Variants in FBLN5 observed in about 807,000 individuals in gnomAD.
FBLN5 encodes fibulin-5.
In FBLN5, 24 loss-of-function variants were observed where a neutral mutation model predicts 61.6. The ratio of observed to expected loss-of-function variants is 0.39; its 90% CI spans 0.28 to 0.55. FBLN5 has a LOEUF of 0.55. FBLN5 is among the 20% of genes least tolerant of loss of function. The pLI is 0.65. For missense variants in FBLN5, 470 were observed against 594.1 expected (o/e 0.79, Z 2.17); for synonymous variants, 213 against 219.8 (o/e 0.97, Z 0.27).
intron 4 of FBLN5, among the ~76,000 whole-genome samples, chr14:91,899,937 G>C (rs1890386867): frequency 1.3e-5 from 2 of 152,148 alleles, no homozygotes; most frequent in African/African-American, 4.8e-5. Flanking sequence ...AAAATGAACA[G>C]AACCTTCCAT....
Position 91,896,158 on chromosome 14 carries a change from T to C in FBLN5, c.380-1086A>G, listed in dbSNP as rs540765576. On this transcript the variant is annotated intron_variant, in intron 4 of 10. Transcript: ENST00000342058. ...GAAACTGAAACATCCTCCTCCCCTTTCTCCCCTGCACTGCACTTTAGGGGA... is the reference window on the plus strand; with the variant it reads ...GAAACTGAAACATCCTCCTCCCCTTCCTCCCCTGCACTGCACTTTAGGGGA... Among the ~76,000 whole-genome samples, 6 of 152,246 alleles carry C rather than the reference T, an allele frequency of 3.9e-5. No homozygotes were observed. In the East Asian group the frequency reaches 1.2e-3, roughly 29 times the overall value.
intron 4 of FBLN5, among the ~76,000 whole-genome samples, chr14:91,902,697 C>T (rs1006595081): frequency 2.6e-5 from 4 of 152,186 alleles, no homozygotes; most frequent in South Asian, 2.1e-4. Context: ...ATGCTGCTGG[C>T]TTAGGGACCA....
At chr14:91,944,426 A>G (rs1012680869) in intron 1 of FBLN5, among the ~76,000 whole-genome samples, 1 of 152,208 alleles carries the variant, frequency 6.6e-6, no homozygotes, top group African/African-American at 2.4e-5. Context: ...TAGAATTTCC[A>G]TGTGATCCAG....
chr14:91,910,377 G>A (rs1157055092), intron 4 of FBLN5, among the ~76,000 whole-genome samples: 1 of 152,120 alleles, frequency 6.6e-6, no homozygotes, highest in Admixed American at 6.5e-5. Flanking sequence ...TAGAGAGAAG[G>A]GGAAAGAGAG....
chr14:91,912,502 A>G (rs184236940), intron 4 of FBLN5, among the ~76,000 whole-genome samples: 1 of 152,170 alleles, frequency 6.6e-6, no homozygotes, highest in African/African-American at 2.4e-5. Context: ...AAAATTAGCC[A>G]GGCGTGGTGG....
At chr14:91,916,641 T>C (rs572107868) in intron 4 of FBLN5, among the ~76,000 whole-genome samples, 113 of 152,258 alleles carry the variant, frequency 7.4e-4, no homozygotes, top group African/African-American at 2.6e-3. Flanking sequence ...CCTACTTTTG[T>C]TACTAGTGAC....
chr14:91,897,381 T>C (rs995160044), intron 4 of FBLN5, among the ~76,000 whole-genome samples: 2 of 152,126 alleles, frequency 1.3e-5, no homozygotes, highest in Non-Finnish European at 2.9e-5. Flanking sequence ...TATCGGCTGG[T>C]GCGTATTTAC....
chr14:91,921,616 A>G (rs2140024107), intron 4 of FBLN5, among the ~76,000 whole-genome samples: 1 of 152,270 alleles, frequency 6.6e-6, no homozygotes, highest in South Asian at 2.1e-4. Context: ...CCTCCGGTGG[A>G]TTTAATGCAC....
intron 4 of FBLN5, among the ~76,000 whole-genome samples, chr14:91,910,665 G>T (rs1466320097): frequency 6.6e-6 from 1 of 152,144 alleles, no homozygotes; most frequent in Non-Finnish European, 1.5e-5. Flanking sequence ...AAGTCCAGCA[G>T]CCATCCTGTG....
intron 10 of FBLN5, among the ~76,000 whole-genome samples, chr14:91,877,223 T>C (rs764896359): frequency 1.3e-5 from 2 of 152,104 alleles, no homozygotes; most frequent in Admixed American, 6.5e-5. Flanking sequence ...AACAGAATAT[T>C]AGGAGAAAAG....
At chr14:91,889,096 T>C (rs1889865016) in intron 6 of FBLN5, among the ~76,000 whole-genome samples, 1 of 152,148 alleles carries the variant, frequency 6.6e-6, no homozygotes, top group African/African-American at 2.4e-5. Context: ...AACAAATAAA[T>C]GAACAGCTGT....
chr14:91,933,374 A>C (rs2055960083), intron 4 of FBLN5, among the ~76,000 whole-genome samples: 1 of 152,054 alleles, frequency 6.6e-6, no homozygotes, highest in African/African-American at 2.4e-5. Flanking sequence ...TCCTGGGTTC[A>C]AGCAATTCTC....
intron 5 of FBLN5, 109 bp downstream of exon 5, chr14:91,894,841 C>CAAAAAA: frequency 1.8e-6 from 1 of 563,082 alleles, no homozygotes; most frequent in Non-Finnish European, 3.1e-6. Flanking sequence ...CCCTCCCTAG[C>CAAAAAA]AAAGAAAAGC....
intron 10 of FBLN5, among the ~76,000 whole-genome samples, chr14:91,876,371 T>A (rs973718819): frequency 1.3e-5 from 2 of 152,154 alleles, no homozygotes; most frequent in African/African-American, 2.4e-5. Context: ...CACAGCAGCA[T>A]CTGTTAGAAA....
chr14:91,890,759 T>A (rs1222679519), intron 6 of FBLN5, among the ~76,000 whole-genome samples: 1 of 152,124 alleles, frequency 6.6e-6, no homozygotes. Flanking sequence ...GGGAAAAGTA[T>A]AGCAAGAGAC....
chr14:91,895,723 A>C (rs1890194243), intron 4 of FBLN5, among the ~76,000 whole-genome samples: 1 of 144,210 alleles, frequency 6.9e-6, no homozygotes, highest in Non-Finnish European at 1.5e-5. Context: ...GTTTGAGCCC[A>C]GGAGGTGGAG....
chr14:91,945,905 TAAC>T (rs536581609), intron 1 of FBLN5, among the ~76,000 whole-genome samples: 273 of 152,264 alleles, frequency 1.8e-3, no homozygotes, highest in Admixed American at 3.7e-3. Context: ...GAAAGAACAA[TAAC>T]AAATTTATTT....
rs762186748 is a variant in FBLN5, at chr14:91,936,053, A to C, written c.379+894T>G. Among the ~76,000 whole-genome samples the C allele has an allele frequency of 1.4e-4, 22 of 152,194 alleles. 2 individuals are homozygous for C. Among genetic ancestry groups the C allele is most frequent in the Non-Finnish European group, 2.9e-5 (2 of 68,038 alleles). On this transcript the variant is annotated intron_variant, in intron 4 of 10. Transcript: ENST00000342058. ...ATATAAGCATATAGAAGACACCTTA[A>C]ATTAACCAACACAGCTTCCCTAATA...
chr14:91,877,085 T>A (rs954719125), intron 10 of FBLN5, among the ~76,000 whole-genome samples: 3 of 152,134 alleles, frequency 2.0e-5, no homozygotes, highest in Non-Finnish European at 2.9e-5. Context: ...TCAGACAATC[T>A]GTCCACCTTG....
Sources: allele counts gnomAD v4.1 joint callset (sites outside exome capture counted in the v4.1 genomes callset), GRCh38; gene constraint gnomAD v4.1.1; transcripts MANE v1.5; gene names NCBI Gene and HGNC (gene_info 2026-07-23, HGNC 2026-07-21).